The following MUC5AC variants were observed in gnomAD, a reference collection of about 807,000 sequenced individuals.
The protein encoded by MUC5AC is mucin-5AC.
In MUC5AC, 158 loss-of-function variants were observed where a neutral mutation model predicts 169.7. The observed-to-expected ratio is 0.93, with a 90% CI of 0.82 to 1.06. The LOEUF (loss-of-function observed/expected upper bound fraction) is 1.06. MUC5AC is among the 50% of genes least tolerant of loss of function. MUC5AC has a pLI of 0.00. For synonymous variants in MUC5AC, 1,975 were observed against 1,237.0 expected (o/e 1.60, Z -12.52); for missense variants, 4,359 against 3,089.9 (o/e 1.41, Z -9.74).
Position 1,177,284 on chromosome 11 carries a change from G to T in MUC5AC, c.2847G>T (p.Glu949Asp). ...AGGACTCCTTTCGTGTTGTCACCGA[G>T]AACGTCCCCTGCGGCACCACAGGGA... ...STQDSFRVVT[E>D]NVPCGTTGTT... Residue 949 changes from glutamate to aspartate, a missense_variant, in exon 23 of 49, where the codon GAG becomes GAT. By Grantham distance (45) the Glu-to-Asp change is conservative. Transcript: ENST00000621226. 1 of 453,622 alleles carries T rather than the reference G, an allele frequency of 2.2e-6. No homozygotes were observed. The highest frequency in any genetic ancestry group is 3.9e-6 in the Non-Finnish European group (1 of 255,020). 28.1% of individuals were successfully genotyped at this position (453,622 alleles called of 1,614,324 possible). A position where few individuals can be genotyped will look rare whatever the true frequency, so the allele number is the denominator to read the frequency against.
intron 3 of MUC5AC, 21 bp downstream of exon 3, chr11:1,161,607 T>C: frequency 6.2e-7 from 1 of 1,605,066 alleles, no homozygotes; most frequent in Non-Finnish European, 8.5e-7. Context: ...CCCGGAGGCC[T>C]GGGTGGGGAA....
At chr11:1,159,356 G>A (rs974862721) in intron 1 of MUC5AC, among the ~76,000 whole-genome samples, 2 of 150,408 alleles carry the variant, frequency 1.3e-5, no homozygotes, top group Non-Finnish European at 3.0e-5. Flanking sequence ...TGCTGGTGCT[G>A]TGCGGGGCTG....
Position 1,160,571 on chromosome 11 carries a change from C to A in MUC5AC, c.74-41C>A, listed in dbSNP as rs55637085. 1.4e-3 allele frequency: 2,172 copies of A among 1,558,936 alleles called. 26 individuals are homozygous for A. The African/African-American group carries it at 0.026, about 19-fold the overall frequency. ...GTGGCCGCAGCCTGAGCCCCCTCAG[C>A]CACCCTGCATCTGGGCTCAGCCCCC... On this transcript the variant is annotated intron_variant, in intron 1 of 48. Transcript: ENST00000621226.
Position 1,199,741 on chromosome 11 carries a change from C to CCCCCGCT in MUC5AC, c.16562_16563insCCCCGCT (p.Pro5523AlafsTer17), listed in dbSNP as rs1564921939. On this transcript the variant is annotated frameshift_variant, in exon 47 of 49. Coordinates refer to ENST00000621226, the MANE Select transcript of MUC5AC (RefSeq NM_001304359.2). LOFTEE classifies it high-confidence loss of function. The stretch of plus-strand genomic sequence containing the variant: ...GACGGCTGCTGCCGCTTCTGCCCGC[C>CCCCCGCT]GCCCCCGCCCCCGTACCAGAACCGT... The CCCCCGCT allele has an allele frequency of 1.4e-6, 1 of 711,052 alleles. No individual in the cohort carries two copies. The highest frequency in any genetic ancestry group is 1.7e-5 in the African/African-American group (1 of 57,530). The allele number at this position is 711,052 out of a possible 1,614,324, so 44.0% of individuals were successfully genotyped here. A position where few individuals can be genotyped will look rare whatever the true frequency, so the allele number is the denominator to read the frequency against.
chr11:1,197,893 GC>G lies in MUC5AC; in HGVS notation c.16034-5del, dbSNP rs753035947. On this transcript the variant is annotated splice_polypyrimidine_tract_variant and intron_variant, in intron 41 of 48. Coordinates refer to ENST00000621226, the MANE Select transcript of MUC5AC (RefSeq NM_001304359.2). ...ACAGACTCCTAATTGCCTCACTCCC[GC>G]CCCCGCAGCCTGCAACACCAGCCGC... 2 of 709,566 alleles carry G rather than the reference GC, an allele frequency of 2.8e-6. No individual in the cohort carries two copies. The highest frequency in any genetic ancestry group is 5.1e-6 in the Non-Finnish European group (2 of 390,800). The allele number at this position is 709,566 out of a possible 1,614,324, so 44.0% of individuals were successfully genotyped here.
chr11:1,186,890 C>T lies in MUC5AC; in HGVS notation c.8745C>T (p.Ser2915=), dbSNP rs1253084290. 1.7e-4 allele frequency: 121 copies of T among 726,328 alleles called. No homozygotes were observed. Among genetic ancestry groups the T allele is most frequent in the Non-Finnish European group, 2.8e-4 (111 of 398,228 alleles). The allele number at this position is 726,328 out of a possible 1,614,324, so 45.0% of individuals were successfully genotyped here. ...GCACAACCTCTGCCCCTACAACCAG[C>T]ACAACCTCTGCCCCTACAAGCAGCA... The part of the protein sequence containing the change: ...TTSTTSAPTT[S]TTSAPTSSTT... Residue 2915 remains serine, a synonymous_variant, in exon 31 of 49, where the codon AGC becomes AGT. Coordinates refer to ENST00000621226, the MANE Select transcript of MUC5AC (RefSeq NM_001304359.2).
chr11:1,158,156 G>A, intron 1 of MUC5AC, 84 bp downstream of exon 1: 3 of 1,277,684 alleles, frequency 2.3e-6, no homozygotes, highest in Non-Finnish European at 2.2e-6. Context: ...TTTGCCCTGG[G>A]TTCCGGGCAG....
intron 1 of MUC5AC, among the ~76,000 whole-genome samples, chr11:1,158,987 G>C (rs940207651): frequency 1.3e-5 from 2 of 152,240 alleles, no homozygotes; most frequent in Non-Finnish European, 2.9e-5. Flanking sequence ...CTCAGAAGCA[G>C]GAATTCTGTC....
rs759582244 is a variant in MUC5AC, at chr11:1,199,754, G to A, written c.16575G>A (p.Pro5525=). The A allele has an allele frequency of 2.5e-5, 18 of 714,250 alleles. No homozygotes were observed. In the East Asian group the frequency reaches 2.6e-4, roughly 10 times the overall value. The allele number at this position is 714,250 out of a possible 1,614,324, so 44.2% of individuals were successfully genotyped here. Residue 5525 remains proline, a synonymous_variant, in exon 47 of 49, where the codon CCG becomes CCA. Transcript: ENST00000621226. ...CCRFCPPPPP[P]YQNQSTCAVY... ...GCTTCTGCCCGCCGCCCCCGCCCCCGTACCAGAACCGTGAGTACCCAGCCT... is the reference window on the plus strand; with the variant it reads ...GCTTCTGCCCGCCGCCCCCGCCCCCATACCAGAACCGTGAGTACCCAGCCT...
In MUC5AC at chr11:1,195,060, C is replaced by T. The variant is rs750720244; in HGVS notation, c.15239C>T (p.Thr5080Met). The T allele has an allele frequency of 1.0e-4, 76 of 753,268 alleles. No homozygotes were observed. Among genetic ancestry groups the T allele is most frequent in the Admixed American group, 1.7e-4 (10 of 57,544 alleles). The allele number at this position is 753,268 out of a possible 1,614,324, so 46.7% of individuals were successfully genotyped here. ...GATGAGTGCCGCACGCCTAGGGGGACGGTGGTCGCTTCCTGCTCCGAGATG... is the reference window on the plus strand; with the variant it reads ...GATGAGTGCCGCACGCCTAGGGGGATGGTGGTCGCTTCCTGCTCCGAGATG... ...RKDECRTPRG[T>M]VVASCSEMSG... is the part of the protein sequence containing the mutation. The change falls in exon 36 of 49, where the codon ACG (threonine) becomes ATG (methionine). Residue 5080 changes from threonine to methionine, a missense_variant. Thr to Met is a moderately conservative substitution (Grantham distance 81). Transcript: ENST00000621226.
In MUC5AC at chr11:1,200,025, G is replaced by A. The variant is rs1047119823; in HGVS notation, c.16700+56G>A. On this transcript the variant is annotated intron_variant, in intron 48 of 48. Coordinates refer to ENST00000621226, the MANE Select transcript of MUC5AC (RefSeq NM_001304359.2). ...CGATTGGCTGTGGGGTGCAGTCAGG[G>A]CCCCCAGGGCTCTAGGTGCCAGATA... 18 of 680,840 alleles carry A rather than the reference G, an allele frequency of 2.6e-5. No individual in the cohort carries two copies. The African/African-American group carries it at 3.0e-4, about 11-fold the overall frequency. The allele number at this position is 680,840 out of a possible 1,614,324, so 42.2% of individuals were successfully genotyped here.
In MUC5AC at chr11:1,186,790, C is replaced by A; in HGVS notation, c.8645C>A (p.Thr2882Asn). The change falls in exon 31 of 49, where the codon ACT (threonine) becomes AAT (asparagine). Residue 2882 changes from threonine (T) to asparagine (N), a missense_variant. By Grantham distance (65) the Thr-to-Asn change is moderately conservative (BLOSUM62 0). Transcript: ENST00000621226. Reference sequence around the variant, plus strand: ...ACCAGCACAACCTCTGGCCCTGGAACTACTCCCAGCCCTGTTCCCACCACC... The same window carrying A: ...ACCAGCACAACCTCTGGCCCTGGAAATACTCCCAGCCCTGTTCCCACCACC... Reference protein sequence around the residue: ...ATTSTTSGPGTTPSPVPTTST... With the variant: ...ATTSTTSGPGNTPSPVPTTST... 10 of 742,396 alleles carry A rather than the reference C, an allele frequency of 1.3e-5. No homozygotes were observed. The highest frequency in any genetic ancestry group is 2.5e-6 in the Non-Finnish European group (1 of 406,506). The allele number at this position is 742,396 out of a possible 1,614,324, so 46.0% of individuals were successfully genotyped here. A position where few individuals can be genotyped will look rare whatever the true frequency, so the allele number is the denominator to read the frequency against.
Position 1,190,887 on chromosome 11 carries a change from A to G in MUC5AC, c.12742A>G (p.Ser4248Gly), listed in dbSNP as rs1303560220. ...TTSTTSAPTT[S>G]TTSGPGTTPS... ...CAGCACAACTTCTGCTCCTACAACC[A>G]GCACAACCTCTGGTCCTGGAACTAC... Residue 4248 changes from serine to glycine, a missense_variant, in exon 31 of 49, where the codon AGC becomes GGC. Transcript: ENST00000621226. The G allele has an allele frequency of 1.4e-6, 1 of 740,636 alleles. No homozygotes were observed. The highest frequency in any genetic ancestry group is 1.7e-5 in the African/African-American group (1 of 57,226). 45.9% of individuals were successfully genotyped at this position (740,636 alleles called of 1,614,324 possible). A position where few individuals can be genotyped will look rare whatever the true frequency, so the allele number is the denominator to read the frequency against.
chr11:1,165,821 A>G (rs56026134), intron 11 of MUC5AC, 61 bp downstream of exon 11: 55,804 of 1,599,682 alleles, frequency 0.035, 1,207 homozygotes, highest in Non-Finnish European at 0.039. Context: ...AGCCTCCCAC[A>G]GGCTCCCCCA....
chr11:1,181,811 G>C (rs1242331912), intron 30 of MUC5AC, among the ~76,000 whole-genome samples: 1 of 152,164 alleles, frequency 6.6e-6, no homozygotes, highest in Non-Finnish European at 1.5e-5. Flanking sequence ...CAGGGCTCAG[G>C]TACCCCCATG....
chr11:1,174,475 C>T (rs996652731), intron 16 of MUC5AC, 21 bp from the exon 17 acceptor site: 26 of 1,464,808 alleles, frequency 1.8e-5, no homozygotes, highest in African/African-American at 5.6e-5. Context: ...TCTGATGCCC[C>T]GATGACCCCC....
rs1362904874 is a variant in MUC5AC, at chr11:1,191,514, A to G, written c.13369A>G (p.Thr4457Ala). 3.1e-6 allele frequency: 2 copies of G among 644,850 alleles called. No homozygotes were observed. The highest frequency in any genetic ancestry group is 3.7e-5 in the African/African-American group (2 of 54,472). The allele number at this position is 644,850 out of a possible 1,614,324, so 39.9% of individuals were successfully genotyped here. A position where few individuals can be genotyped will look rare whatever the true frequency, so the allele number is the denominator to read the frequency against. Residue 4457 changes from threonine (T) to alanine (A), a missense_variant, in exon 31 of 49, where the codon ACA becomes GCA. Physicochemically the swap from Thr to Ala is moderately conservative, Grantham distance 58. Coordinates refer to ENST00000621226, the MANE Select transcript of MUC5AC (RefSeq NM_001304359.2). ...TSTTSASTTS[T>A]ISLPTTSTTS... is the part of the protein sequence containing the mutation. ...CACAACCTCTGCTTCTACAACCAGC[A>G]CAATCTCTCTCCCTACAACCAGCAC...
chr11:1,172,835 C>A (rs1427616092), intron 16 of MUC5AC, among the ~76,000 whole-genome samples: 3 of 151,670 alleles, frequency 2.0e-5, no homozygotes, highest in Non-Finnish European at 4.4e-5. Context: ...CCCATTCACT[C>A]ACTCACCCAC....
chr11:1,162,411 C>G, intron 4 of MUC5AC, 121 bp from the exon 5 acceptor site: 1 of 1,061,370 alleles, frequency 9.4e-7, no homozygotes, highest in Non-Finnish European at 1.4e-6. Context: ...TCAATGTCCC[C>G]ATCCCAGACG....
Sources: gnomAD v4.1 joint callset for allele counts (sites outside exome capture counted in the v4.1 genomes callset) on GRCh38, gnomAD v4.1.1 for gene constraint, MANE v1.5 for transcripts, NCBI Gene and HGNC (gene_info 2026-07-23, HGNC 2026-07-21) for gene names.